The following LY96 variants were observed in gnomAD, a reference collection of about 807,000 sequenced individuals.
The protein encoded by LY96 is lymphocyte antigen 96.
LY96 carries 18 observed loss-of-function variants against 18.9 expected under a neutral mutation model. The ratio of observed to expected loss-of-function variants is 0.95; its 90% CI spans 0.66 to 1.41. The LOEUF is 1.41. LY96 is among the 40% of genes most tolerant of loss of function. LY96 has a pLI of 0.00. For synonymous variants in LY96, 66 were observed against 62.6 expected (o/e 1.06, Z -0.26); for missense variants, 175 against 182.4 (o/e 0.96, Z 0.23).
chr8:74,052,394 G>A, the LY96 span: 1 of 152,254 alleles, frequency 6.6e-6, no homozygotes, highest in African/African-American at 2.4e-5. Flanking sequence ...CGTTGGCCTT[G>A]TCTAGGCTGG....
the LY96 span, among the ~76,000 whole-genome samples, chr8:74,060,017 T>G: frequency 6.6e-6 from 1 of 152,066 alleles, no homozygotes; most frequent in Non-Finnish European, 1.5e-5. Flanking sequence ...TGTGCACGAG[T>G]GGTCCCAGCT....
chr8:74,024,692 C>T (rs1429111368), intron 3 of LY96, among the ~76,000 whole-genome samples: 1 of 152,268 alleles, frequency 6.6e-6, no homozygotes, highest in East Asian at 1.9e-4. Context: ...GCCGTTCTGG[C>T]CCCAGAGCCA....
the LY96 span, among the ~76,000 whole-genome samples, chr8:74,045,587 A>C: frequency 1.8e-4 from 28 of 152,302 alleles, no homozygotes; most frequent in African/African-American, 6.7e-4. Flanking sequence ...TTACTTAAGG[A>C]GAGTTTAATA....
At chr8:74,088,699 C>T in the LY96 span, among the ~76,000 whole-genome samples, 1 of 152,172 alleles carries the variant, frequency 6.6e-6, no homozygotes, top group African/African-American at 2.4e-5. Context: ...GATTCTTGTG[C>T]CTCAGCCTCC....
chr8:74,052,215 G>A, the LY96 span: 11 of 152,282 alleles, frequency 7.2e-5, no homozygotes, highest in African/African-American at 2.7e-4. Flanking sequence ...GTGCATGCGG[G>A]AGGCCCACAG....
intron 1 of LY96, among the ~76,000 whole-genome samples, chr8:73,997,196 C>A (rs888503538): frequency 1.3e-5 from 2 of 152,200 alleles, no homozygotes; most frequent in African/African-American, 4.8e-5. Context: ...ATCTCATCAT[C>A]CACCTAATTC....
Position 74,028,919 on chromosome 8 carries a change from A to G in LY96, c.385-37A>G, listed in dbSNP as rs1327801539. 3.1e-6 allele frequency: 4 copies of G among 1,275,690 alleles called. No individual in the cohort carries two copies. The Admixed American group carries it at 6.9e-5, about 22-fold the overall frequency. The allele number at this position is 1,275,690 out of a possible 1,614,324, so 79.0% of individuals were successfully genotyped here. On this transcript the variant is annotated intron_variant, in intron 4 of 4. Coordinates refer to ENST00000284818, the MANE Select transcript of LY96 (RefSeq NM_015364.5). ...AGCCTCTGAAATAGTAGCATCTAAC[A>G]TTTTGTATTACTTGTATTTCTTATA... is the stretch of plus-strand genomic sequence containing the variant.
chr8:74,064,188 A>C, the LY96 span, among the ~76,000 whole-genome samples: 6 of 152,220 alleles, frequency 3.9e-5, no homozygotes, highest in African/African-American at 7.2e-5. Context: ...TAATGATGAC[A>C]ATGTCCATTA....
chr8:74,064,790 A>T, the LY96 span, among the ~76,000 whole-genome samples: 1 of 152,234 alleles, frequency 6.6e-6, no homozygotes, highest in South Asian at 2.1e-4. Flanking sequence ...TAAGTCTCAA[A>T]AATGCAAAAA....
At chr8:74,028,381 T>C (rs1816912484) in intron 4 of LY96, among the ~76,000 whole-genome samples, 1 of 152,230 alleles carries the variant, frequency 6.6e-6, no homozygotes, top group Admixed American at 6.5e-5. Flanking sequence ...ATTACTAATC[T>C]GTTGAACAGT....
chr8:74,034,507 T>C, the LY96 span, among the ~76,000 whole-genome samples: 46,251 of 152,124 alleles, frequency 0.3, 9,496 homozygotes, highest in African/African-American at 0.59. Flanking sequence ...ATTATATAAT[T>C]CTCTAAAGAG....
chr8:74,036,406 T>A, the LY96 span, among the ~76,000 whole-genome samples: 1 of 152,132 alleles, frequency 6.6e-6, no homozygotes, highest in African/African-American at 2.4e-5. Flanking sequence ...TGGCCAGAGA[T>A]CACAAGGTTT....
chr8:74,021,475 A>C lies in LY96; in HGVS notation c.332-5314A>C, dbSNP rs568514017. Among the ~76,000 whole-genome samples, 6 of 152,358 alleles carry C rather than the reference A, an allele frequency of 3.9e-5. No individual in the cohort carries two copies. In the East Asian group the frequency reaches 1.2e-3, roughly 29 times the overall value. On this transcript the variant is annotated intron_variant, in intron 3 of 4. Coordinates refer to ENST00000284818, the MANE Select transcript of LY96 (RefSeq NM_015364.5). Reference sequence around the variant, plus strand: ...GGAATGCTTTTACACTGTTGGTGGGAGTGTAAACTAGTTCAACCATTGTGG... The same window carrying C: ...GGAATGCTTTTACACTGTTGGTGGGCGTGTAAACTAGTTCAACCATTGTGG...
At chr8:74,028,760 T>C (rs933980238) in intron 4 of LY96, among the ~76,000 whole-genome samples, 196 bp from the exon 5 acceptor site, 1 of 152,334 alleles carries the variant, frequency 6.6e-6, no homozygotes. Context: ...AAAAATAACA[T>C]AATCTTATAA....
the LY96 span, among the ~76,000 whole-genome samples, chr8:74,060,444 T>C: frequency 6.6e-6 from 1 of 152,352 alleles, no homozygotes; most frequent in South Asian, 2.1e-4. Context: ...TATATCACAA[T>C]ACTTTTCACT....
chr8:74,085,481 G>A, the LY96 span, among the ~76,000 whole-genome samples: 2 of 152,200 alleles, frequency 1.3e-5, no homozygotes, highest in African/African-American at 4.8e-5. Context: ...AGAAGAGCCT[G>A]CCAATCACCC....
At chr8:74,041,463 C>T in the LY96 span, among the ~76,000 whole-genome samples, 1 of 152,088 alleles carries the variant, frequency 6.6e-6, no homozygotes, top group African/African-American at 2.4e-5. Context: ...TGGGGTTGGG[C>T]AGAATAGAGC....
the LY96 span, among the ~76,000 whole-genome samples, chr8:74,089,219 T>C: frequency 6.6e-5 from 10 of 152,366 alleles, no homozygotes; most frequent in Admixed American, 5.9e-4. Context: ...GAGAACTGTT[T>C]ATCTTTCGAT....
chr8:74,003,286 T>C (rs1816337379), intron 1 of LY96, among the ~76,000 whole-genome samples: 2 of 152,162 alleles, frequency 1.3e-5, no homozygotes, highest in South Asian at 4.1e-4. Context: ...ATCCAAAAAC[T>C]GGGCCCTGAA....
Sources: allele counts gnomAD v4.1 joint callset (sites outside exome capture counted in the v4.1 genomes callset), GRCh38; gene constraint gnomAD v4.1.1; transcripts MANE v1.5; gene names NCBI Gene and HGNC (gene_info 2026-07-23, HGNC 2026-07-21).